CEMIP: variants seen among roughly 807,000 people sequenced by gnomAD.
The protein encoded by CEMIP is cell migration inducing hyaluronidase 1, also known as cell migration-inducing and hyaluronan-binding protein.
In CEMIP, 105 loss-of-function variants were observed where a neutral mutation model predicts 156.9. The observed-to-expected ratio is 0.67, with a 90% CI of 0.57 to 0.79. The LOEUF (loss-of-function observed/expected upper bound fraction) is 0.79. Among genes scored for constraint, CEMIP ranks in the 30% least tolerant of loss-of-function variants. The probability of loss-of-function intolerance (pLI) is 0.00; values close to 1 mark genes in which losing one functional copy is unlikely to be tolerated. For synonymous variants in CEMIP, 676 were observed against 668.4 expected (o/e 1.01, Z -0.17); for missense variants, 1,457 against 1,769.4 (o/e 0.82, Z 3.17).
intron 1 of CEMIP, among the ~76,000 whole-genome samples, chr15:80,832,322 C>CTCTCTGTGTGTG (rs1555429057): frequency 2.8e-4 from 36 of 128,108 alleles, no homozygotes; most frequent in South Asian, 2.8e-3. Context: ...AAAATAAACT[C>CTCTCTGTGTGTG]TGTGTGTGTG....
At chr15:80,802,201 C>A (rs1419617905) in intron 1 of CEMIP, among the ~76,000 whole-genome samples, 1 of 152,202 alleles carries the variant, frequency 6.6e-6, no homozygotes, top group African/African-American at 2.4e-5. Context: ...TAACAAGGAG[C>A]AGTAACAAGG....
In CEMIP at chr15:80,888,722, C is replaced by T. The variant is rs1898934929; in HGVS notation, c.890C>T (p.Ala297Val). The change falls in exon 9 of 30, where the codon GCC (alanine) becomes GTC (valine). Residue 297 changes from alanine to valine, a missense_variant. This residue lies in a region of CEMIP where 17 missense variants were observed against 43.7 expected (regional missense o/e 0.39). Coordinates refer to ENST00000394685, the MANE Select transcript of CEMIP (RefSeq NM_001293298.2). The part of the protein sequence containing the change: ...EYHGHRGSAA[A>V]RVFKLFQTEH... ...ACAGGACATCGAGGCTCTGCTGCTG[C>T]CCGGGTATTCAAATTGTTCCAGACA... 1.2e-6 allele frequency: 2 copies of T among 1,613,992 alleles called. No individual in the cohort carries two copies. Among genetic ancestry groups the T allele is most frequent in the Admixed American group, 1.7e-5 (1 of 59,990 alleles).
chr15:80,892,161 G>A (rs1899050661), intron 10 of CEMIP, among the ~76,000 whole-genome samples: 1 of 152,006 alleles, frequency 6.6e-6, no homozygotes, highest in Non-Finnish European at 1.5e-5. Context: ...CCAACTCCGT[G>A]TCATACACAG....
intron 19 of CEMIP, among the ~76,000 whole-genome samples, chr15:80,927,797 T>C (rs1016405107): frequency 8.6e-5 from 13 of 151,974 alleles, no homozygotes; most frequent in Admixed American, 7.9e-4. Flanking sequence ...GGAAAAGCCA[T>C]GGAGGGGCCT....
intron 1 of CEMIP, among the ~76,000 whole-genome samples, chr15:80,813,423 C>T (rs186803387): frequency 1.8e-3 from 216 of 118,480 alleles, no homozygotes; most frequent in African/African-American, 6.1e-3. Context: ...GATCTCAGCT[C>T]ACTGCAACCC....
intron 19 of CEMIP, among the ~76,000 whole-genome samples, chr15:80,926,836 C>CTTTTTTTTTTTTTTTTTT (rs796068914): frequency 1.1e-4 from 12 of 106,768 alleles, no homozygotes; most frequent in African/African-American, 5.2e-4. Flanking sequence ...GGGGGGTCTT[C>CTTTTTTTTTTTTTTTTTT]TTTTTTTTTT....
At chr15:80,874,181 T>C (rs1368209685) in intron 3 of CEMIP, among the ~76,000 whole-genome samples, 1 of 152,248 alleles carries the variant, frequency 6.6e-6, no homozygotes, top group African/African-American at 2.4e-5. Context: ...ATGAAGGGGT[T>C]GGACTAGAAT....
intron 21 of CEMIP, among the ~76,000 whole-genome samples, chr15:80,930,913 G>A (rs1035683134): frequency 1.4e-4 from 21 of 152,182 alleles, no homozygotes; most frequent in Non-Finnish European, 2.9e-5. Context: ...CATACATGTT[G>A]GGTTTGGAGA....
chr15:80,796,758 C>T (rs1896237888), intron 1 of CEMIP, among the ~76,000 whole-genome samples: 1 of 152,184 alleles, frequency 6.6e-6, no homozygotes, highest in South Asian at 2.1e-4. Flanking sequence ...GTAACTTACG[C>T]TCCTACCTTT....
rs188825083 is a variant in CEMIP, at chr15:80,788,332, A to G, written c.-176+8718A>G. Among the ~76,000 whole-genome samples, 563 of 152,022 alleles carry G rather than the reference A, an allele frequency of 3.7e-3. 3 individuals are homozygous for G. The highest frequency in any genetic ancestry group is 0.013 in the African/African-American group (538 of 41,474). On this transcript the variant is annotated intron_variant, in intron 1 of 29. Transcript: ENST00000394685. The stretch of plus-strand genomic sequence containing the variant: ...CTAAAAATACAAAAATTAGCCAGGC[A>G]TGGTGACACATGCCTGTAATCCCAG...
chr15:80,919,227 AG>A (rs1188160395), intron 14 of CEMIP, among the ~76,000 whole-genome samples: 1 of 152,168 alleles, frequency 6.6e-6, no homozygotes, highest in African/African-American at 2.4e-5. Context: ...GGGTACAATA[AG>A]GAGCATCAAT....
intron 25 of CEMIP, among the ~76,000 whole-genome samples, chr15:80,940,714 G>T (rs75467674): frequency 2.0e-5 from 3 of 152,198 alleles, no homozygotes; most frequent in African/African-American, 4.8e-5. Context: ...AGACCAAGGG[G>T]TCTTCAAGAA....
At chr15:80,933,042 G>A (rs775258431) in intron 22 of CEMIP, among the ~76,000 whole-genome samples, 4 of 152,204 alleles carry the variant, frequency 2.6e-5, no homozygotes, top group Non-Finnish European at 5.9e-5. Context: ...CTAGGTCTGG[G>A]AGTTGAGGCA....
intron 1 of CEMIP, among the ~76,000 whole-genome samples, chr15:80,790,027 C>T (rs111888061): frequency 2.8e-4 from 42 of 152,022 alleles, no homozygotes; most frequent in Admixed American, 6.6e-4. Flanking sequence ...CATGAAGGGC[C>T]CTTAGTGGCC....
chr15:80,871,870 C>A (rs1336011903), intron 1 of CEMIP, among the ~76,000 whole-genome samples: 2 of 152,156 alleles, frequency 1.3e-5, no homozygotes, highest in Non-Finnish European at 2.9e-5. Context: ...GGAGCCATTC[C>A]CAGATGCCGT....
At chr15:80,866,624 TAAATA>T (rs1479049924) in intron 1 of CEMIP, among the ~76,000 whole-genome samples, 6 of 139,264 alleles carry the variant, frequency 4.3e-5, no homozygotes, top group African/African-American at 1.6e-4. Flanking sequence ...AATAAATAAA[TAAATA>T]AATAAAATAA....
chr15:80,937,284 G>A (rs944295418), intron 24 of CEMIP, among the ~76,000 whole-genome samples: 4 of 152,334 alleles, frequency 2.6e-5, no homozygotes, highest in Admixed American at 6.5e-5. Flanking sequence ...GAGGCTCTGC[G>A]AGATAAAGTG....
At chr15:80,811,579 G>C (rs937924855) in intron 1 of CEMIP, among the ~76,000 whole-genome samples, 1 of 152,208 alleles carries the variant, frequency 6.6e-6, no homozygotes, top group Non-Finnish European at 1.5e-5. Context: ...TTTTGAGACA[G>C]AGTCTCACTC....
chr15:80,804,592 C>T (rs1896463342), intron 1 of CEMIP, among the ~76,000 whole-genome samples: 2 of 152,204 alleles, frequency 1.3e-5, no homozygotes, highest in Non-Finnish European at 2.9e-5. Context: ...TGCCAGGTGC[C>T]TCACCTACTG....
Sources: allele counts gnomAD v4.1 joint callset (sites outside exome capture counted in the v4.1 genomes callset), GRCh38; gene constraint gnomAD v4.1.1; regional missense constraint gnomAD v4.1.1; transcripts MANE v1.5; gene names NCBI Gene and HGNC (gene_info 2026-07-23, HGNC 2026-07-21).